The following SUCLG1 variants were observed in gnomAD, a reference collection of about 807,000 sequenced individuals.
SUCLG1 encodes the protein succinate-CoA ligase GDP/ADP-forming subunit alpha.
A neutral mutation model predicts 37.3 loss-of-function variants in SUCLG1; 26 were observed. The ratio of observed to expected loss-of-function variants is 0.70; its 90% CI spans 0.51 to 0.97. SUCLG1 has a LOEUF of 0.97. SUCLG1 is among the 50% of genes least tolerant of loss of function. SUCLG1 has a pLI of 0.00. For synonymous variants in SUCLG1, 163 were observed against 155.6 expected, an observed-to-expected ratio of 1.05 and a Z score of -0.36; for missense variants, 433 against 432.9, an observed-to-expected ratio of 1.00 and a Z score of 0.00.
At chr2:84,449,268 T>C (rs940347899) in intron 2 of SUCLG1, among the ~76,000 whole-genome samples, 5 of 152,216 alleles carry the variant, frequency 3.3e-5, no homozygotes, top group Non-Finnish European at 7.3e-5. Flanking sequence ...TGTTTAACAA[T>C]ACGGTTTTTT....
chr2:84,456,975 TC>T lies in SUCLG1; in HGVS notation c.97+2197del, dbSNP rs1277115398. On this transcript the variant is annotated intron_variant, in intron 1 of 8. Coordinates refer to ENST00000393868, the MANE Select transcript of SUCLG1 (RefSeq NM_003849.4). ...CCGTGCCAGGCCACTTTTCCTTTTT[TC>T]ATAAGCTATAAAACAGGGCTCCGGA... Among the ~76,000 whole-genome samples the T allele has an allele frequency of 4.6e-5, 7 of 152,302 alleles. No individual in the cohort carries two copies. The South Asian group carries it at 6.2e-4, about 14-fold the overall frequency.
In SUCLG1 at chr2:84,440,112, C is replaced by T. The variant is rs139604282; in HGVS notation, c.589+935G>A. Among the ~76,000 whole-genome samples the T allele has an allele frequency of 4.5e-4, 69 of 152,294 alleles. 2 individuals are homozygous for T. The East Asian group carries it at 0.013, about 29-fold the overall frequency. On this transcript the variant is annotated intron_variant, in intron 5 of 8. Coordinates refer to ENST00000393868, the MANE Select transcript of SUCLG1 (RefSeq NM_003849.4). ...GCTAATAGCCGGGCATGGTAGCTCA[C>T]GCCTGTAATCCCAGCACTTTGAGAG...
chr2:84,440,094 GC>G (rs1672744902), intron 5 of SUCLG1, among the ~76,000 whole-genome samples: 2 of 152,314 alleles, frequency 1.3e-5, no homozygotes, highest in South Asian at 4.1e-4. Flanking sequence ...AAGGCTAATA[GC>G]CGGGCATGGT....
At chr2:84,448,925 CA>C in intron 2 of SUCLG1, 1 of 399,806 alleles carries the variant, frequency 2.5e-6, no homozygotes, top group Non-Finnish European at 5.2e-6. Flanking sequence ...GGATACATGC[CA>C]ACTTGTTAAC....
At chr2:84,450,842 A>C (rs1217666324) in intron 1 of SUCLG1, among the ~76,000 whole-genome samples, 3 of 152,234 alleles carry the variant, frequency 2.0e-5, no homozygotes, top group Non-Finnish European at 4.4e-5. Flanking sequence ...TGGAGGAAGT[A>C]TATGGAATCC....
At chr2:84,435,061 C>T (rs1037861657) in intron 5 of SUCLG1, among the ~76,000 whole-genome samples, 2 of 152,166 alleles carry the variant, frequency 1.3e-5, no homozygotes, top group Non-Finnish European at 2.9e-5. Flanking sequence ...TGCTCTAACT[C>T]GCCAGCCCAG....
At chr2:84,453,327 A>G (rs955097176) in intron 1 of SUCLG1, among the ~76,000 whole-genome samples, 2 of 152,184 alleles carry the variant, frequency 1.3e-5, no homozygotes, top group Non-Finnish European at 2.9e-5. Flanking sequence ...AAACTGATAA[A>G]GGCCATGAAC....
intron 5 of SUCLG1, among the ~76,000 whole-genome samples, chr2:84,436,393 C>G (rs6729777): frequency 0.97 from 147,029 of 152,316 alleles, 71,008 homozygotes; most frequent in East Asian, 1. Flanking sequence ...TTATATTTGC[C>G]TTACAGAAAG....
chr2:84,441,611 G>A, intron 3 of SUCLG1, 152 bp from the exon 4 acceptor site: 2 of 900,028 alleles, frequency 2.2e-6, no homozygotes, highest in Non-Finnish European at 3.5e-6. Context: ...TTGCTACACT[G>A]TCAGAGTAGA....
Position 84,431,588 on chromosome 2 carries a change from T to C in SUCLG1, c.745A>G (p.Thr249Ala), listed in dbSNP as rs1057518365. ...TCACCAATCAATATGATGCCTTCTGTGGCAGAATCGTTCAAAAAGATTTCG... is the reference window on the plus strand; with the variant it reads ...TCACCAATCAATATGATGCCTTCTGCGGCAGAATCGTTCAAAAAGATTTCG... ...CLEIFLNDSATEGIILIGEIG... is the reference protein window; with the variant it reads ...CLEIFLNDSAAEGIILIGEIG... The change falls in exon 7 of 9, where the codon ACA becomes GCA. Residue 249 changes from threonine to alanine, a missense_variant. Coordinates refer to ENST00000393868, the MANE Select transcript of SUCLG1 (RefSeq NM_003849.4). 1 of 1,614,070 alleles carries C rather than the reference T, an allele frequency of 6.2e-7. No individual in the cohort carries two copies. Among genetic ancestry groups the C allele is most frequent in the South Asian group, 1.1e-5 (1 of 91,082 alleles).
chr2:84,459,174 G>A lies in SUCLG1; in HGVS notation c.96C>T (p.Leu32=). The change falls in exon 1 of 9, where the codon CTC becomes CTT. Residue 32 remains leucine (L), a splice_region_variant and synonymous_variant. Coordinates refer to ENST00000393868, the MANE Select transcript of SUCLG1 (RefSeq NM_003849.4). The stretch of plus-strand genomic sequence containing the variant: ...GAAGACAGTACTGGCTGGACTCACG[G>A]AGGAAGCTGCGCGACAGGAGACGGG... ...AAARLLSRSF[L]LPQNGIRHCS... The A allele has an allele frequency of 1.9e-6, 3 of 1,549,608 alleles. No homozygotes were observed. In the South Asian group the frequency reaches 3.6e-5, roughly 18 times the overall value.
At position 84,449,665 on chromosome 2, in the gene SUCLG1, C is replaced by A. The variant is rs1672906778; in HGVS notation, c.185G>T (p.Gly62Val). 1 of 1,597,906 alleles carries A rather than the reference C, an allele frequency of 6.3e-7. No individual in the cohort carries two copies. The highest frequency in any genetic ancestry group is 1.1e-5 in the South Asian group (1 of 87,444). Residue 62 changes from glycine to valine, a missense_variant, in exon 2 of 9, where the codon GGT (glycine) becomes GTT (valine). Coordinates refer to ENST00000393868, the MANE Select transcript of SUCLG1 (RefSeq NM_003849.4). ...VDKNTKIICQ[G>V]FTGKQGTFHS... ...TATACATACCTGTTTGCCAGTGAAA[C>A]CCTGGCAAATAATCTTTGTATTTTT...
At position 84,438,855 on chromosome 2, in the gene SUCLG1, G is replaced by A. The variant is rs138107811; in HGVS notation, c.589+2192C>T. 4.1e-4 allele frequency among the ~76,000 whole-genome samples: 62 copies of A among 152,150 alleles called. No homozygotes were observed. In the East Asian group the frequency reaches 7.5e-3, roughly 18 times the overall value. ...AAGTTTGTAAAATGCACTAACCAGT[G>A]CTCTATAAAAACCCACCAATCAGCG... On this transcript the variant is annotated intron_variant, in intron 5 of 8. Coordinates refer to ENST00000393868, the MANE Select transcript of SUCLG1 (RefSeq NM_003849.4).
rs568515703 is a variant in SUCLG1, at chr2:84,438,353, A to G, written c.589+2694T>C. Among the ~76,000 whole-genome samples, 12 of 152,378 alleles carry G rather than the reference A, an allele frequency of 7.9e-5. No individual in the cohort carries two copies. In the East Asian group the frequency reaches 2.3e-3, roughly 29 times the overall value. ...GGTTGAGAGTAACAAACTGTCTATCATAAGAGAAATAAATAACATGGTGCA... is the reference window on the plus strand; with the variant it reads ...GGTTGAGAGTAACAAACTGTCTATCGTAAGAGAAATAAATAACATGGTGCA... On this transcript the variant is annotated intron_variant, in intron 5 of 8. Transcript: ENST00000393868.
intron 5 of SUCLG1, among the ~76,000 whole-genome samples, chr2:84,434,819 C>T (rs920350113): frequency 3.3e-5 from 5 of 152,154 alleles, no homozygotes; most frequent in African/African-American, 1.2e-4. Context: ...TATACTAATG[C>T]GTACTAAGTG....
intron 8 of SUCLG1, 88 bp downstream of exon 8, chr2:84,425,327 C>A: frequency 6.5e-7 from 1 of 1,531,594 alleles, no homozygotes; most frequent in African/African-American, 1.4e-5. Flanking sequence ...GTCCCAGAAG[C>A]AAAGGCCATG....
chr2:84,452,269 G>A (rs1672953371), intron 1 of SUCLG1, among the ~76,000 whole-genome samples: 1 of 151,954 alleles, frequency 6.6e-6, no homozygotes, highest in Admixed American at 6.6e-5. Flanking sequence ...TGTGTAAGAG[G>A]TGGGGAGGGT....
chr2:84,425,334 C>T, intron 8 of SUCLG1, 81 bp downstream of exon 8: 3 of 1,558,556 alleles, frequency 1.9e-6, no homozygotes, highest in Non-Finnish European at 2.6e-6. Context: ...AAGCAAAGGC[C>T]ATGATTTCCA....
chr2:84,431,607 G>C lies in SUCLG1; in HGVS notation c.726C>G (p.Ile242Met), dbSNP rs767234604. The change falls in exon 7 of 9, where the codon ATC becomes ATG. Residue 242 changes from isoleucine (I) to methionine (M), a missense_variant. Coordinates refer to ENST00000393868, the MANE Select transcript of SUCLG1 (RefSeq NM_003849.4). ...CTTCTGTGGCAGAATCGTTCAAAAA[G>C]ATTTCGAGGCAGTCAATAAAATCTG... ...NGTDFIDCLE[I>M]FLNDSATEGI... 3 of 1,613,840 alleles carry C rather than the reference G, an allele frequency of 1.9e-6. No individual in the cohort carries two copies. The highest frequency in any genetic ancestry group is 2.5e-6 in the Non-Finnish European group (3 of 1,179,944).
Sources: allele counts gnomAD v4.1 joint callset (sites outside exome capture counted in the v4.1 genomes callset), GRCh38; gene constraint gnomAD v4.1.1; transcripts MANE v1.5; gene names NCBI Gene and HGNC (gene_info 2026-07-23, HGNC 2026-07-21).